SEL1L3: variants seen among roughly 807,000 people sequenced by gnomAD.
SEL1L3 encodes protein sel-1 homolog 3.
SEL1L3 carries 76 observed loss-of-function variants against 142.8 expected under a neutral mutation model. The ratio of observed to expected loss-of-function variants is 0.53; its 90% CI spans 0.44 to 0.64. SEL1L3 has a LOEUF of 0.64. Among genes scored for constraint, SEL1L3 ranks in the 30% least tolerant of loss-of-function variants. SEL1L3 has a pLI of 0.00. For missense variants in SEL1L3, 1,262 were observed against 1,381.7 expected (o/e 0.91, Z 1.37); for synonymous variants, 504 against 519.6 (o/e 0.97, Z 0.41).
At chr4:25,848,902 G>A (rs556271351) in intron 1 of SEL1L3, among the ~76,000 whole-genome samples, 9 of 152,338 alleles carry the variant, frequency 5.9e-5, no homozygotes, top group African/African-American at 2.2e-4. Context: ...ACTTTGGGAG[G>A]CCCAGGTGGG....
intron 9 of SEL1L3, among the ~76,000 whole-genome samples, chr4:25,806,228 A>T (rs1337148360): frequency 2.0e-5 from 3 of 151,372 alleles, no homozygotes; most frequent in Non-Finnish European, 4.4e-5. Flanking sequence ...TAGTAGAGAG[A>T]GGGTTTCACC....
downstream of SEL1L3, among the ~76,000 whole-genome samples, chr4:25,746,586 T>TAG (rs1314949367): frequency 7.0e-6 from 1 of 142,516 alleles, no homozygotes; most frequent in Non-Finnish European, 1.5e-5. Flanking sequence ...TATATATAGA[T>TAG]AGATATAGAT....
At chr4:25,734,473 TA>T in the SEL1L3 span, among the ~76,000 whole-genome samples, 2 of 152,254 alleles carry the variant, frequency 1.3e-5, no homozygotes, top group African/African-American at 4.8e-5. Context: ...TTTTAAATGT[TA>T]AACAACCTTT....
chr4:25,770,874 G>A (rs149983489), intron 17 of SEL1L3, among the ~76,000 whole-genome samples: 381 of 152,252 alleles, frequency 2.5e-3, no homozygotes, highest in African/African-American at 8.4e-3. Flanking sequence ...CTACTGAGCA[G>A]TGAGCTCTAG....
the SEL1L3 span, among the ~76,000 whole-genome samples, chr4:25,735,098 C>T: frequency 6.6e-6 from 1 of 151,962 alleles, no homozygotes; most frequent in Non-Finnish European, 1.5e-5. Context: ...TTGATAGATT[C>T]ACTGCTGAAG....
intron 6 of SEL1L3, among the ~76,000 whole-genome samples, chr4:25,824,991 G>A (rs1461181653): frequency 6.6e-6 from 1 of 151,978 alleles, no homozygotes; most frequent in African/African-American, 2.4e-5. Context: ...TTACAAGTGT[G>A]AAAAAAGCCC....
rs140428953 is a variant in SEL1L3 at position 25,850,804 on chromosome 4, T to C, written c.163-2940A>G. ...GAATGATCGCAAAGGGTTTTCTGTC[T>C]GGTTTTTTTGTTTGTTTTTGAATTT... On this transcript the variant is annotated intron_variant, in intron 1 of 23. Coordinates refer to ENST00000399878, the MANE Select transcript of SEL1L3 (RefSeq NM_015187.5). Among the ~76,000 whole-genome samples, 631 of 152,252 alleles carry C rather than the reference T, an allele frequency of 4.1e-3. 1 individual carries two copies. The highest frequency in any genetic ancestry group is 0.014 in the African/African-American group (588 of 41,558).
chr4:25,796,003 C>A (rs771379272), intron 11 of SEL1L3, among the ~76,000 whole-genome samples: 4 of 151,950 alleles, frequency 2.6e-5, no homozygotes, highest in Non-Finnish European at 5.9e-5. Flanking sequence ...AGCGTCCCAG[C>A]CTGACCAGTT....
intron 20 of SEL1L3, among the ~76,000 whole-genome samples, chr4:25,761,479 C>T (rs539770212): frequency 6.6e-6 from 1 of 152,116 alleles, no homozygotes; most frequent in Non-Finnish European, 1.5e-5. Context: ...TTTAAAGTCT[C>T]TAATCAATGG....
chr4:25,759,207 TG>T, intron 20 of SEL1L3, 139 bp from the exon 21 acceptor site: 1 of 805,626 alleles, frequency 1.2e-6, no homozygotes, highest in Non-Finnish European at 1.9e-6. Context: ...TCATCTTCAT[TG>T]ATGAATTGTT....
At position 25,862,698 on chromosome 4, in the gene SEL1L3, C is replaced by T. The variant is rs747427034; in HGVS notation, c.139G>A (p.Ala47Thr). The change falls in exon 1 of 24, where the codon GCG becomes ACG. Residue 47 changes from alanine (A) to threonine (T), a missense_variant. Physicochemically the swap from Ala to Thr is moderately conservative, Grantham distance 58 (BLOSUM62 0). Transcript: ENST00000399878. ...ACCAGGTAGCAGAGCAGGAGCAGCG[C>T]GCAGGCAGAGCGGCCGCCGAGGCCC... ...PQGLGGRSAC[A>T]LLLLCYLNVV... The T allele has an allele frequency of 3.8e-6, 5 of 1,302,646 alleles. No individual in the cohort carries two copies. Among genetic ancestry groups the T allele is most frequent in the Non-Finnish European group, 2.0e-6 (2 of 1,022,840 alleles). 80.7% of individuals were successfully genotyped at this position (1,302,646 alleles called of 1,614,324 possible). A position where few individuals can be genotyped will look rare whatever the true frequency, so the allele number is the denominator to read the frequency against.
At position 25,815,359 on chromosome 4, in the gene SEL1L3, C is replaced by T. The variant is rs1714324018; in HGVS notation, c.1564+2779G>A. On this transcript the variant is annotated intron_variant, in intron 9 of 23. Transcript: ENST00000399878. ...GCGGGAATCTAGCGGTTCTGCAGCG[C>T]CCATACCCAGGGAGTCTTAAGGTAA... Among the ~76,000 whole-genome samples, 3 of 152,260 alleles carry T rather than the reference C, an allele frequency of 2.0e-5. No individual in the cohort carries two copies. The South Asian group carries it at 6.2e-4, about 32-fold the overall frequency.
chr4:25,847,918 A>G, intron 1 of SEL1L3, 54 bp from the exon 2 acceptor site: 3 of 1,032,414 alleles, frequency 2.9e-6, no homozygotes, highest in Non-Finnish European at 4.2e-6. Context: ...AATCCTCATC[A>G]TAACAGATAC....
chr4:25,838,089 A>T (rs1260917764), intron 2 of SEL1L3, among the ~76,000 whole-genome samples: 1 of 152,256 alleles, frequency 6.6e-6, no homozygotes, highest in African/African-American at 2.4e-5. Flanking sequence ...GAATGAATAT[A>T]GGTGTGGCCA....
At chr4:25,818,442 G>C (rs1249684063) in intron 8 of SEL1L3, among the ~76,000 whole-genome samples, 164 bp from the exon 9 acceptor site, 1 of 152,186 alleles carries the variant, frequency 6.6e-6, no homozygotes, top group Non-Finnish European at 1.5e-5. Flanking sequence ...TTTGCCTCCA[G>C]GTCACAAATT....
chr4:25,776,218 A>T, intron 17 of SEL1L3, 59 bp downstream of exon 17: 2 of 1,105,300 alleles, frequency 1.8e-6, no homozygotes, highest in South Asian at 2.7e-5. Flanking sequence ...ACTCCATTTC[A>T]TAAGACTATA....
the SEL1L3 span, chr4:25,719,361 T>C: frequency 6.6e-6 from 1 of 152,062 alleles, no homozygotes; most frequent in African/African-American, 2.4e-5. Flanking sequence ...ATACTTAGGG[T>C]AGGAACTAGC....
In SEL1L3 at chr4:25,849,819, G is replaced by T. The variant is rs375703772; in HGVS notation, c.163-1955C>A. Among the ~76,000 whole-genome samples, 98 of 152,258 alleles carry T rather than the reference G, an allele frequency of 6.4e-4. No individual in the cohort carries two copies. In the East Asian group the frequency reaches 0.015, roughly 24 times the overall value. On this transcript the variant is annotated intron_variant, in intron 1 of 23. Coordinates refer to ENST00000399878, the MANE Select transcript of SEL1L3 (RefSeq NM_015187.5). ...CAAAGATGGACAAGACATGAAATTTGGTATCAAGGAATCGTGTCTATAAAT... is the reference window on the plus strand; with the variant it reads ...CAAAGATGGACAAGACATGAAATTTTGTATCAAGGAATCGTGTCTATAAAT...
intron 11 of SEL1L3, among the ~76,000 whole-genome samples, chr4:25,796,455 G>A (rs1053975164): frequency 2.6e-5 from 4 of 152,104 alleles, no homozygotes; most frequent in African/African-American, 9.7e-5. Context: ...AAATATGTGT[G>A]TGTGTGTGTG....
Sources: gnomAD v4.1 joint callset for allele counts (sites outside exome capture counted in the v4.1 genomes callset) on GRCh38, gnomAD v4.1.1 for gene constraint, MANE v1.5 for transcripts, NCBI Gene and HGNC (gene_info 2026-07-23, HGNC 2026-07-21) for gene names.